The following EPHB2 variants were observed in gnomAD, a reference collection of about 807,000 sequenced individuals.
EPHB2 encodes EPH receptor B2.
A neutral mutation model predicts 96.4 loss-of-function variants in EPHB2; 18 were observed. The ratio of observed to expected loss-of-function variants is 0.19; its 90% CI spans 0.13 to 0.28. The LOEUF is 0.28. EPHB2 is among the 10% of genes least tolerant of loss of function. The pLI, the probability that EPHB2 is intolerant of heterozygous loss-of-function variation, is 1.00. For synonymous variants in EPHB2, 506 were observed against 534.1 expected, an observed-to-expected ratio of 0.95 and a Z score of 0.72; for missense variants, 989 against 1,355.4, an observed-to-expected ratio of 0.73 and a Z score of 4.25.
At chr1:22,732,502 C>T (rs1048628068) in intron 1 of EPHB2, among the ~76,000 whole-genome samples, 9 of 152,184 alleles carry the variant, frequency 5.9e-5, no homozygotes, top group Middle Eastern at 3.2e-3. Context: ...TAGTCCATTT[C>T]CATATGACCT....
intron 6 of EPHB2, among the ~76,000 whole-genome samples, chr1:22,889,799 G>A (rs2148561926): frequency 6.6e-6 from 1 of 152,296 alleles, no homozygotes; most frequent in African/African-American, 2.4e-5. Flanking sequence ...AGGTAGAGTT[G>A]CTAGATAAAA....
At chr1:22,882,581 G>A (rs1420573915) in intron 6 of EPHB2, 98 bp downstream of exon 6, 9 of 1,570,536 alleles carry the variant, frequency 5.7e-6, no homozygotes, top group East Asian at 4.6e-5. Flanking sequence ...AAGATGAGAC[G>A]CACTGGTGCA....
chr1:22,720,946 G>A (rs756274151), intron 1 of EPHB2, among the ~76,000 whole-genome samples: 10 of 152,104 alleles, frequency 6.6e-5, no homozygotes, highest in Non-Finnish European at 1.2e-4. Flanking sequence ...TGTGGCCTGG[G>A]GCAGGTCACT....
intron 9 of EPHB2, among the ~76,000 whole-genome samples, chr1:22,898,001 G>A (rs1291154882): frequency 6.6e-6 from 1 of 151,072 alleles, no homozygotes; most frequent in African/African-American, 2.4e-5. Flanking sequence ...TACTTGGGAG[G>A]TTGAGGTGGG....
At chr1:22,766,849 A>G (rs1644314387) in intron 1 of EPHB2, among the ~76,000 whole-genome samples, 1 of 152,250 alleles carries the variant, frequency 6.6e-6, no homozygotes, top group Admixed American at 6.5e-5. Context: ...ATCACCACCA[A>G]TACAGAATTC....
At chr1:22,876,378 C>G (rs904741603) in intron 5 of EPHB2, among the ~76,000 whole-genome samples, 15 of 152,230 alleles carry the variant, frequency 9.9e-5, no homozygotes, top group African/African-American at 3.6e-4. Flanking sequence ...AGAGACCACC[C>G]CGTACAACCC....
intron 14 of EPHB2, among the ~76,000 whole-genome samples, chr1:22,911,143 A>AAAATAAAT (rs59316223): frequency 0.34 from 45,467 of 133,502 alleles, 7,898 homozygotes; most frequent in Admixed American, 0.4. Context: ...TCCATCTAAA[A>AAAATAAAT]AAATAAATAA....
At chr1:22,822,334 A>C (rs911716868) in intron 3 of EPHB2, among the ~76,000 whole-genome samples, 1 of 152,200 alleles carries the variant, frequency 6.6e-6, no homozygotes, top group Admixed American at 6.5e-5. Flanking sequence ...TAATTTAAAA[A>C]AAAAAGGAAA....
chr1:22,863,350 G>C, intron 4 of EPHB2, 158 bp downstream of exon 4: 1 of 1,218,536 alleles, frequency 8.2e-7, no homozygotes, highest in Non-Finnish European at 1.2e-6. Context: ...ATCCTGGGGT[G>C]GCCATGCTCC....
At chr1:22,847,935 G>A (rs1270607862) in intron 3 of EPHB2, among the ~76,000 whole-genome samples, 2 of 152,096 alleles carry the variant, frequency 1.3e-5, no homozygotes, top group Non-Finnish European at 2.9e-5. Flanking sequence ...GTTCTGGAGA[G>A]CCTTCCTGGG....
chr1:22,832,741 G>A (rs530136751), intron 3 of EPHB2, among the ~76,000 whole-genome samples: 2 of 152,260 alleles, frequency 1.3e-5, no homozygotes, highest in African/African-American at 2.4e-5. Flanking sequence ...TTTATCAGCA[G>A]TCATCACAAC....
intron 3 of EPHB2, among the ~76,000 whole-genome samples, chr1:22,842,149 T>C (rs1038768794): frequency 1.3e-5 from 2 of 151,878 alleles, no homozygotes; most frequent in African/African-American, 2.4e-5. Flanking sequence ...GCAGCGTGGC[T>C]ACAGACTCTG....
At chr1:22,751,586 C>G (rs1049200179) in intron 1 of EPHB2, among the ~76,000 whole-genome samples, 1 of 152,200 alleles carries the variant, frequency 6.6e-6, no homozygotes, top group African/African-American at 2.4e-5. Context: ...TTTCCAGAAG[C>G]TTTCACAGCC....
intron 5 of EPHB2, among the ~76,000 whole-genome samples, chr1:22,867,041 A>G (rs890364064): frequency 1.5e-4 from 23 of 152,232 alleles, no homozygotes; most frequent in African/African-American, 4.1e-4. Flanking sequence ...GGAAGCATCC[A>G]TGTCCCCATT....
At chr1:22,912,225 C>G (rs1345372929) in intron 14 of EPHB2, among the ~76,000 whole-genome samples, 1 of 152,230 alleles carries the variant, frequency 6.6e-6, no homozygotes, top group African/African-American at 2.4e-5. Flanking sequence ...CACACACACT[C>G]ACTCTCGCAT....
chr1:22,786,736 T>C (rs1177511996), intron 3 of EPHB2, among the ~76,000 whole-genome samples: 1 of 151,944 alleles, frequency 6.6e-6, no homozygotes, highest in Non-Finnish European at 1.5e-5. Context: ...TCAAAGGATG[T>C]TTTGCCAATG....
Position 22,765,340 on chromosome 1 carries a change from A to T in EPHB2, c.62-16081A>T, listed in dbSNP as rs565393275. 1.3e-4 allele frequency among the ~76,000 whole-genome samples: 20 copies of T among 152,172 alleles called. No homozygotes were observed. The South Asian group carries it at 1.5e-3, about 11-fold the overall frequency. ...GACGGAAGGATCACTTGAGGTCAGGAGTTCGAGACCAGCCTGGCCAACATG... is the reference window on the plus strand; with the variant it reads ...GACGGAAGGATCACTTGAGGTCAGGTGTTCGAGACCAGCCTGGCCAACATG... On this transcript the variant is annotated intron_variant, in intron 1 of 15. Coordinates refer to ENST00000374630, the MANE Select transcript of EPHB2 (RefSeq NM_017449.5).
intron 1 of EPHB2, among the ~76,000 whole-genome samples, chr1:22,776,512 C>T (rs1198297729): frequency 6.6e-6 from 1 of 152,216 alleles, no homozygotes; most frequent in Non-Finnish European, 1.5e-5. Flanking sequence ...GAGATAGAAA[C>T]ATTTCCAGAG....
intron 1 of EPHB2, among the ~76,000 whole-genome samples, chr1:22,767,264 G>A (rs1385065381): frequency 6.6e-6 from 1 of 152,126 alleles, no homozygotes; most frequent in Non-Finnish European, 1.5e-5. Flanking sequence ...CTGGGGAAGT[G>A]GGGGGTGGTC....
Sources: gnomAD v4.1 joint callset for allele counts (sites outside exome capture counted in the v4.1 genomes callset) on GRCh38, gnomAD v4.1.1 for gene constraint, MANE v1.5 for transcripts, NCBI Gene and HGNC (gene_info 2026-07-23, HGNC 2026-07-21) for gene names.